Variants in DLG2 observed in about 807,000 individuals in gnomAD.
The protein encoded by DLG2 is disks large homolog 2.
A neutral mutation model predicts 132.5 loss-of-function variants in DLG2; 45 were observed. The ratio of observed to expected loss-of-function variants is 0.34; its 90% CI spans 0.27 to 0.44. The LOEUF (loss-of-function observed/expected upper bound fraction) is 0.44, where lower values mean the gene tolerates loss of function less well. Among genes scored for constraint, DLG2 ranks in the 20% least tolerant of loss-of-function variants. DLG2 has a pLI of 1.00. For synonymous variants in DLG2, 424 were observed against 419.6 expected, an observed-to-expected ratio of 1.01 and a Z score of -0.13; for missense variants, 1,045 against 1,196.9, an observed-to-expected ratio of 0.87 and a Z score of 1.87.
chr11:83,609,267 C>T (rs2059773758), intron 19 of DLG2, among the ~76,000 whole-genome samples: 1 of 152,174 alleles, frequency 6.6e-6, no homozygotes, highest in African/African-American at 2.4e-5. Flanking sequence ...CCTTCTATAC[C>T]AACATACAGG....
intron 21 of DLG2, among the ~76,000 whole-genome samples, chr11:83,511,037 A>AAAT (rs2094989358): frequency 6.8e-6 from 1 of 147,050 alleles, no homozygotes. Flanking sequence ...TTGAGAAAAA[A>AAAT]AAAAAAACCC....
Position 83,731,291 on chromosome 11 carries a change from C to T in DLG2, c.1825+55399G>A, listed in dbSNP as rs114059636. ...TCCTAATGCTCTCCCTCCCCTCTCC[C>T]CCCAGCCCCTGACTGGCCCTGGTGT... On this transcript the variant is annotated intron_variant, in intron 18 of 27. Coordinates refer to ENST00000376104, the MANE Select transcript of DLG2 (RefSeq NM_001142699.3). Among the ~76,000 whole-genome samples the T allele has an allele frequency of 7.3e-3, 1,107 of 152,298 alleles. 14 individuals are homozygous for T. The highest frequency in any genetic ancestry group is 0.026 in the African/African-American group (1,060 of 41,550).
rs79111398 is a variant in DLG2, at chr11:85,500,551, A to T, written c.40+98106T>A. On this transcript the variant is annotated intron_variant, in intron 3 of 27. Coordinates refer to ENST00000376104, the MANE Select transcript of DLG2 (RefSeq NM_001142699.3). ...AAACTTAGAGTATAATAAAAAAAAT[A>T]AAAATAAAATAAATAAATAAATAAA... 2.4e-3 allele frequency among the ~76,000 whole-genome samples: 312 copies of T among 128,376 alleles called. 7 individuals carry two copies. Among genetic ancestry groups the T allele is most frequent in the African/African-American group, 2.4e-3 (83 of 34,944 alleles). The allele number at this position is 128,376 out of a possible 152,430, so 84.2% of individuals were successfully genotyped here.
chr11:84,133,423 T>C (rs564742215), intron 9 of DLG2, among the ~76,000 whole-genome samples: 17 of 152,158 alleles, frequency 1.1e-4, no homozygotes, highest in African/African-American at 3.4e-4. Context: ...GTGTGGGCTA[T>C]AGGAGGTTTG....
intron 3 of DLG2, chr11:85,525,124 T>TA (rs1232390499): frequency 6.6e-6 from 1 of 152,200 alleles, no homozygotes; most frequent in Non-Finnish European, 1.5e-5. Flanking sequence ...AAATTTTACC[T>TA]AAAAAATAGT....
intron 7 of DLG2, among the ~76,000 whole-genome samples, chr11:84,388,391 G>A (rs534307960): frequency 2.6e-5 from 4 of 152,052 alleles, no homozygotes; most frequent in Non-Finnish European, 4.4e-5. Context: ...TAAAAGGGTG[G>A]TCTAATAACA....
At chr11:85,559,820 A>ATAGAT (rs764608044) in intron 3 of DLG2, among the ~76,000 whole-genome samples, 2,172 of 106,820 alleles carry the variant, frequency 0.02, 79 homozygotes, top group Non-Finnish European at 0.019. Context: ...TAGATGATTG[A>ATAGAT]TAGATAGATA....
At chr11:83,998,445 G>A (rs918538460) in intron 11 of DLG2, among the ~76,000 whole-genome samples, 1 of 152,154 alleles carries the variant, frequency 6.6e-6, no homozygotes, top group African/African-American at 2.4e-5. Context: ...ATACTGGAAT[G>A]TAATAAATTC....
chr11:83,918,785 T>A (rs1201653496), intron 15 of DLG2, among the ~76,000 whole-genome samples: 1 of 152,054 alleles, frequency 6.6e-6, no homozygotes. Flanking sequence ...ATCTCAGTGC[T>A]GTAACATGAG....
At chr11:85,484,292 C>A (rs531234608) in intron 3 of DLG2, among the ~76,000 whole-genome samples, 10 of 119,082 alleles carry the variant, frequency 8.4e-5, no homozygotes, top group African/African-American at 3.2e-4. Context: ...TAGGCATGGG[C>A]AAAGACTTCA....
At chr11:85,518,662 T>C (rs1013031006) in intron 3 of DLG2, among the ~76,000 whole-genome samples, 2 of 152,166 alleles carry the variant, frequency 1.3e-5, no homozygotes, top group African/African-American at 2.4e-5. Flanking sequence ...GAAATTTGCA[T>C]AAGCAACAAG....
chr11:85,134,059 A>G (rs181776863), intron 5 of DLG2, among the ~76,000 whole-genome samples: 2 of 150,156 alleles, frequency 1.3e-5, no homozygotes, highest in East Asian at 1.9e-4. Flanking sequence ...GGAGAGTGAG[A>G]GAGAGTGAAT....
At chr11:84,667,300 CCATT>C (rs2099700674) in intron 6 of DLG2, among the ~76,000 whole-genome samples, 1 of 151,866 alleles carries the variant, frequency 6.6e-6, no homozygotes, top group African/African-American at 2.4e-5. Flanking sequence ...AGACAAAATA[CCATT>C]ATTATGGATA....
chr11:85,095,513 G>A (rs1380834349), intron 6 of DLG2, among the ~76,000 whole-genome samples: 1 of 151,416 alleles, frequency 6.6e-6, no homozygotes, highest in Non-Finnish European at 1.5e-5. Flanking sequence ...TGTTTTTTCA[G>A]TCCTATGGGC....
chr11:85,358,436 G>A (rs1316347914), intron 3 of DLG2, among the ~76,000 whole-genome samples: 1 of 152,054 alleles, frequency 6.6e-6, no homozygotes, highest in Non-Finnish European at 1.5e-5. Context: ...TTAAATCTGG[G>A]CTGCTCATGT....
At chr11:84,633,357 T>C (rs1352609661) in intron 6 of DLG2, among the ~76,000 whole-genome samples, 1 of 152,140 alleles carries the variant, frequency 6.6e-6, no homozygotes, top group Non-Finnish European at 1.5e-5. Flanking sequence ...TTCTCTGTGC[T>C]TTTTTCTAAC....
intron 6 of DLG2, among the ~76,000 whole-genome samples, chr11:84,703,525 C>A (rs1348912378): frequency 6.6e-6 from 1 of 151,430 alleles, no homozygotes; most frequent in African/African-American, 2.4e-5. Context: ...TTGCCCACCA[C>A]AAATACACCC....
chr11:84,511,342 A>G (rs1269010214), intron 7 of DLG2, among the ~76,000 whole-genome samples: 1 of 152,180 alleles, frequency 6.6e-6, no homozygotes, highest in African/African-American at 2.4e-5. Flanking sequence ...AAATGAACAC[A>G]ATATTTGATA....
At chr11:85,342,954 T>C (rs1225905615) in intron 3 of DLG2, among the ~76,000 whole-genome samples, 3 of 152,194 alleles carry the variant, frequency 2.0e-5, no homozygotes, top group Non-Finnish European at 4.4e-5. Flanking sequence ...ATGCACTTTT[T>C]TTATCTACTA....
Sources: gnomAD v4.1 joint callset for allele counts (sites outside exome capture counted in the v4.1 genomes callset) on GRCh38, gnomAD v4.1.1 for gene constraint, MANE v1.5 for transcripts, NCBI Gene and HGNC (gene_info 2026-07-23, HGNC 2026-07-21) for gene names.